Variants in SHPRH observed in about 807,000 individuals in gnomAD.
The protein encoded by SHPRH is SNF2 histone linker PHD RING helicase.
SHPRH carries 106 observed loss-of-function variants against 202.5 expected under a neutral mutation model. That is an observed-to-expected ratio of 0.52 (90% CI 0.45 to 0.62). SHPRH has a LOEUF of 0.62. SHPRH is among the 20% of genes least tolerant of loss of function. The pLI is 0.00. For synonymous variants in SHPRH, 729 were observed against 686.0 expected, an observed-to-expected ratio of 1.06 and a Z score of -0.98; for missense variants, 1,710 against 2,020.0, an observed-to-expected ratio of 0.85 and a Z score of 2.94.
At chr6:145,908,902 A>C (rs1783221109) in intron 25 of SHPRH, 1 of 151,974 alleles carries the variant, frequency 6.6e-6, no homozygotes, top group Non-Finnish European at 1.5e-5. Flanking sequence ...TTAAGTCTTT[A>C]ATCTATCTTG....
Position 145,952,457 on chromosome 6 carries a change from C to A in SHPRH, c.655G>T (p.Ala219Ser). Reference protein sequence around the residue: ...IIKVGIYLLEAGLAKLDFLSD... With the variant: ...IIKVGIYLLESGLAKLDFLSD... ...AAGAAGTCTAGTTTTGCTAGGCCAG[C>A]TTCCAAAAGATAAATTCCAACCTAA... is the stretch of plus-strand genomic sequence containing the variant. Residue 219 changes from alanine (A) to serine (S), a missense_variant, in exon 3 of 30, where the codon GCT (alanine) becomes TCT (serine). Coordinates refer to ENST00000275233, the MANE Select transcript of SHPRH (RefSeq NM_001042683.3). The A allele has an allele frequency of 6.2e-7, 1 of 1,605,920 alleles. No homozygotes were observed. Among genetic ancestry groups the A allele is most frequent in the Non-Finnish European group, 8.5e-7 (1 of 1,176,214 alleles).
chr6:145,889,036 G>A (rs1781358716), intron 28 of SHPRH, among the ~76,000 whole-genome samples: 1 of 152,164 alleles, frequency 6.6e-6, no homozygotes, highest in African/African-American at 2.4e-5. Flanking sequence ...TTGTCCATGT[G>A]AAACCTATCA....
chr6:145,899,548 G>T (rs1211725854), intron 25 of SHPRH, among the ~76,000 whole-genome samples: 2 of 152,076 alleles, frequency 1.3e-5, no homozygotes, highest in Admixed American at 6.6e-5. Context: ...TCTCAAAATG[G>T]ATTAAAGACT....
chr6:145,900,834 T>A (rs1782443494), intron 25 of SHPRH, among the ~76,000 whole-genome samples: 1 of 152,142 alleles, frequency 6.6e-6, no homozygotes, highest in Non-Finnish European at 1.5e-5. Context: ...GTTTTTTAAA[T>A]ATGCTGTATT....
chr6:145,935,092 G>A lies in SHPRH; in HGVS notation c.2805C>T (p.His935=). ...HFSPVERHFY[H]RQHEVCCQDV... is the part of the protein sequence containing the mutation. Reference sequence around the variant, plus strand: ...CCTGGCAGCACACCTCATGCTGACGGTGATAGAAATGCCTTTCCACTGGAG... The same window carrying A: ...CCTGGCAGCACACCTCATGCTGACGATGATAGAAATGCCTTTCCACTGGAG... The change falls in exon 13 of 30, where the codon CAC becomes CAT. Residue 935 remains histidine, a synonymous_variant. Transcript: ENST00000275233. The A allele has an allele frequency of 6.2e-7, 1 of 1,613,692 alleles. No homozygotes were observed. The highest frequency in any genetic ancestry group is 8.5e-7 in the Non-Finnish European group (1 of 1,179,948).
chr6:145,869,512 TG>T (rs1348566904), intron 2 of SHPRH, among the ~76,000 whole-genome samples: 1 of 152,208 alleles, frequency 6.6e-6, no homozygotes, highest in Non-Finnish European at 1.5e-5. Context: ...AGTTAATTTT[TG>T]TGAAGGGTAT....
intron 14 of SHPRH, among the ~76,000 whole-genome samples, chr6:145,929,273 G>A (rs1198120420): frequency 6.6e-6 from 1 of 151,840 alleles, no homozygotes; most frequent in Non-Finnish European, 1.5e-5. Context: ...TGGTGGATTT[G>A]ATATTGTCAA....
Position 145,940,727 on chromosome 6 carries a change from T to C in SHPRH, c.2565A>G (p.Leu855=), listed in dbSNP as rs369486988. Residue 855 remains leucine (L), a synonymous_variant, in exon 11 of 30, where the codon TTA becomes TTG. Transcript: ENST00000275233. ...TGTGAGGAAACCATACATTACCCTC[T>C]AATCCTCTCTGTACTGGAGTGCCAC... is the stretch of plus-strand genomic sequence containing the variant. ...CISGTPVQRG[L]EDLFGLVVFL... is the part of the protein sequence containing the mutation. 40 of 1,613,484 alleles carry C rather than the reference T, an allele frequency of 2.5e-5. No individual in the cohort carries two copies. Among genetic ancestry groups the C allele is most frequent in the Non-Finnish European group, 3.4e-5 (40 of 1,179,718 alleles).
At position 145,945,516 on chromosome 6, in the gene SHPRH, A is replaced by C; in HGVS notation, c.1443T>G (p.Ser481Arg). 1 of 1,613,120 alleles carries C rather than the reference A, an allele frequency of 6.2e-7. No individual in the cohort carries two copies. Among genetic ancestry groups the C allele is most frequent in the Non-Finnish European group, 8.5e-7 (1 of 1,179,562 alleles). Residue 481 changes from serine to arginine, a missense_variant, in exon 8 of 30, where the codon AGT becomes AGG. Ser to Arg is a moderately radical substitution (Grantham distance 110). Coordinates refer to ENST00000275233, the MANE Select transcript of SHPRH (RefSeq NM_001042683.3). ...IYRYDVQRNRSLLKRMLKCLI... is the reference protein window; with the variant it reads ...IYRYDVQRNRRLLKRMLKCLI... ...AACATTTCAGCATCCGTTTCAAAAG[A>C]CTCCTGTTCCGTTGAACATCGTATC... is the stretch of plus-strand genomic sequence containing the variant.
At chr6:145,878,275 T>C (rs1780394926) in intron 2 of SHPRH, among the ~76,000 whole-genome samples, 2 of 152,158 alleles carry the variant, frequency 1.3e-5, no homozygotes, top group African/African-American at 2.4e-5. Context: ...CACATCACAG[T>C]TGTACATTTG....
At position 145,936,668 on chromosome 6, in the gene SHPRH, C is replaced by T. The variant is rs117981434; in HGVS notation, c.2570-1227G>A. ...CTTTTATGTACAGTTCAAATTTTTT[C>T]ACAATGGGCATATATTCTCTTCAGA... On this transcript the variant is annotated intron_variant, in intron 11 of 29. Coordinates refer to ENST00000275233, the MANE Select transcript of SHPRH (RefSeq NM_001042683.3). Among the ~76,000 whole-genome samples the T allele has an allele frequency of 4.2e-3, 637 of 152,030 alleles. 18 individuals carry two copies. The East Asian group carries it at 0.072, about 17-fold the overall frequency.
chr6:145,944,639 C>T (rs1787169648), intron 8 of SHPRH, among the ~76,000 whole-genome samples: 2 of 151,948 alleles, frequency 1.3e-5, no homozygotes, highest in African/African-American at 4.8e-5. Flanking sequence ...TATAGACTCC[C>T]TACTCCAGAA....
chr6:145,957,257 CAG>C (rs1480721414), intron 1 of SHPRH, among the ~76,000 whole-genome samples: 1 of 151,782 alleles, frequency 6.6e-6, no homozygotes, highest in East Asian at 1.9e-4. Flanking sequence ...TCAAAGAAAA[CAG>C]AGGAGAAAAC....
At chr6:145,933,786 T>C (rs970281499) in intron 13 of SHPRH, among the ~76,000 whole-genome samples, 9 of 152,222 alleles carry the variant, frequency 5.9e-5, no homozygotes, top group Admixed American at 4.6e-4. Context: ...CTATCTCTTA[T>C]AGCCAAAGGC....
chr6:145,872,210 TA>T (rs1338774366), intron 2 of SHPRH, among the ~76,000 whole-genome samples: 2 of 152,084 alleles, frequency 1.3e-5, no homozygotes, highest in East Asian at 3.9e-4. Context: ...CTAATTAAAC[TA>T]AAGAGCTTCT....
intron 2 of SHPRH, among the ~76,000 whole-genome samples, chr6:145,879,582 C>T (rs189312623): frequency 1.2e-4 from 18 of 152,102 alleles, no homozygotes; most frequent in Admixed American, 5.2e-4. Flanking sequence ...TAATCAAAAC[C>T]GATCCTATAG....
chr6:145,910,945 A>G (rs965270036), intron 24 of SHPRH, among the ~76,000 whole-genome samples: 5 of 152,150 alleles, frequency 3.3e-5, no homozygotes, highest in African/African-American at 1.2e-4. Flanking sequence ...CAGATATAAC[A>G]GAGGGACTTA....
downstream of SHPRH, among the ~76,000 whole-genome samples, chr6:145,882,295 TGTAAA>T (rs576968350): frequency 7.2e-5 from 11 of 152,046 alleles, no homozygotes; most frequent in African/African-American, 2.7e-4. Flanking sequence ...CTTACAGAGG[TGTAAA>T]GTATTTATTT....
Position 145,945,389 on chromosome 6 carries a change from T to C in SHPRH, c.1570A>G (p.Lys524Glu), listed in dbSNP as rs752774649. The C allele has an allele frequency of 1.8e-5, 29 of 1,608,826 alleles. No individual in the cohort carries two copies. The highest frequency in any genetic ancestry group is 4.0e-5 in the African/African-American group (3 of 74,438). Reference protein sequence around the residue: ...YKEEDICDKTKKQAVGSPRKI... With the variant: ...YKEEDICDKTEKQAVGSPRKI... ...AACTTAAGCTCTGTTACCTGCTTTT[T>C]TGTTTTATCACATATATCCTCTTCC... Residue 524 changes from lysine (K) to glutamate (E), a missense_variant, in exon 8 of 30, where the codon AAA (lysine) becomes GAA (glutamate). Around this residue, in one of 8 missense-constraint regions of SHPRH, gnomAD observed 348 missense variants for 356.9 expected, o/e 0.97. Coordinates refer to ENST00000275233, the MANE Select transcript of SHPRH (RefSeq NM_001042683.3).
Sources: gnomAD v4.1 joint callset for allele counts (sites outside exome capture counted in the v4.1 genomes callset) on GRCh38, gnomAD v4.1.1 for gene constraint, gnomAD v4.1.1 regional missense constraint, MANE v1.5 for transcripts, NCBI Gene and HGNC (gene_info 2026-07-23, HGNC 2026-07-21) for gene names.